Variants in GALNT16 observed in about 807,000 individuals in gnomAD.
GALNT16 encodes UDP-GalNAc:polypeptide N-acetylgalactosaminyltransferase-like protein 1.
GALNT16 carries 40 observed loss-of-function variants against 76.1 expected under a neutral mutation model. That is an observed-to-expected ratio of 0.53 (90% CI 0.41 to 0.68). The LOEUF (loss-of-function observed/expected upper bound fraction) is 0.68, where lower values mean the gene tolerates loss of function less well. GALNT16 is among the 30% of genes least tolerant of loss of function. GALNT16 has a pLI of 0.00. For synonymous variants in GALNT16, 276 were observed against 285.2 expected, an observed-to-expected ratio of 0.97 and a Z score of 0.32; for missense variants, 621 against 731.9, an observed-to-expected ratio of 0.85 and a Z score of 1.75.
rs1304269392 is a variant in GALNT16 at position 69,325,312 on chromosome 14, TTC to T, written c.435-21_435-20del. 3.3e-6 allele frequency: 5 copies of T among 1,495,322 alleles called. No individual in the cohort carries two copies. The African/African-American group carries it at 6.9e-5, about 21-fold the overall frequency. 92.6% of individuals were successfully genotyped at this position (1,495,322 alleles called of 1,614,324 possible). A position where few individuals can be genotyped will look rare whatever the true frequency, so the allele number is the denominator to read the frequency against. On this transcript the variant is annotated intron_variant, in intron 3 of 14. Transcript: ENST00000448469. ...GAGGTGGTTCCTAAATCCAGGCTCT[TTC>T]TCTGTTTCCACTGCTACTGTAGTGT...
chr14:69,339,693 A>T lies in GALNT16; in HGVS notation c.1187+74A>T, dbSNP rs886946212. Reference sequence around the variant, plus strand: ...CAACCCCAGCAAAATACGAAGTGGTATGTACGCCAGGGAACCACCCGCCAC... The same window carrying T: ...CAACCCCAGCAAAATACGAAGTGGTTTGTACGCCAGGGAACCACCCGCCAC... On this transcript the variant is annotated intron_variant, in intron 11 of 14. Transcript: ENST00000448469. 83 of 948,722 alleles carry T rather than the reference A, an allele frequency of 8.7e-5. 1 individual carries two copies. In the Admixed American group the frequency reaches 1.6e-3, roughly 19 times the overall value. 58.8% of individuals were successfully genotyped at this position (948,722 alleles called of 1,614,324 possible). A position where few individuals can be genotyped will look rare whatever the true frequency, so the allele number is the denominator to read the frequency against.
downstream of GALNT16, chr14:69,355,854 C>T (rs1243945049): frequency 1.3e-5 from 2 of 152,272 alleles, no homozygotes; most frequent in Non-Finnish European, 2.9e-5. Flanking sequence ...AAGGCTGTCT[C>T]CATCTGCAGT....
At chr14:69,385,581 G>T in the GALNT16 span, among the ~76,000 whole-genome samples, 2 of 148,626 alleles carry the variant, frequency 1.3e-5, no homozygotes, top group East Asian at 3.9e-4. Context: ...TTAAAAAAAA[G>T]CAATTTCTTT....
intron 9 of GALNT16, among the ~76,000 whole-genome samples, chr14:69,334,349 G>A (rs1176782295): frequency 6.6e-6 from 1 of 152,198 alleles, no homozygotes; most frequent in Non-Finnish European, 1.5e-5. Context: ...AGTGGGATCG[G>A]AGCCCAAACT....
intron 1 of GALNT16, among the ~76,000 whole-genome samples, chr14:69,272,180 G>A (rs56286938): frequency 0.28 from 42,426 of 151,832 alleles, 6,183 homozygotes; most frequent in South Asian, 0.34. Context: ...GGCTAACATG[G>A]TGAAACCCCA....
chr14:69,368,842 T>C, the GALNT16 span, among the ~76,000 whole-genome samples: 2 of 152,130 alleles, frequency 1.3e-5, no homozygotes, highest in African/African-American at 4.8e-5. Flanking sequence ...TCGAAGACAA[T>C]GGGCATCCCT....
intron 1 of GALNT16, among the ~76,000 whole-genome samples, chr14:69,314,648 G>T (rs1481613302): frequency 6.6e-6 from 1 of 152,212 alleles, no homozygotes; most frequent in African/African-American, 2.4e-5. Flanking sequence ...TGGAAGAGTT[G>T]GAACCTGAGA....
At chr14:69,303,021 A>G (rs2044875553) in intron 1 of GALNT16, among the ~76,000 whole-genome samples, 1 of 152,182 alleles carries the variant, frequency 6.6e-6, no homozygotes, top group South Asian at 2.1e-4. Context: ...TATCTTACTA[A>G]GAAATATTAA....
intron 11 of GALNT16, among the ~76,000 whole-genome samples, chr14:69,340,434 A>G (rs1170216587): frequency 6.6e-6 from 1 of 152,172 alleles, no homozygotes; most frequent in Non-Finnish European, 1.5e-5. Context: ...CATGGATTCA[A>G]TGTGGTACTC....
chr14:69,357,794 T>C (rs1331604879), downstream of GALNT16: 1 of 152,290 alleles, frequency 6.6e-6, no homozygotes, highest in African/African-American at 2.4e-5. Context: ...TAGACCTGTA[T>C]GCTCCTGGGT....
At chr14:69,341,613 C>CGG in intron 11 of GALNT16, 68 bp from the exon 12 acceptor site, 1 of 1,024,898 alleles carries the variant, frequency 9.8e-7, no homozygotes, top group South Asian at 1.4e-5. Context: ...GGACAGGCCT[C>CGG]TGGCATCCTC....
intron 9 of GALNT16, among the ~76,000 whole-genome samples, chr14:69,336,915 C>CG (rs148769435): frequency 0.038 from 5,777 of 151,990 alleles, 135 homozygotes; most frequent in South Asian, 0.054. Context: ...TTAGTAGAGA[C>CG]GGGGTTTCAC....
intron 1 of GALNT16, among the ~76,000 whole-genome samples, chr14:69,287,376 G>A (rs949260472): frequency 1.3e-5 from 2 of 152,226 alleles, no homozygotes; most frequent in African/African-American, 2.4e-5. Context: ...CTGGCTAAAC[G>A]CAAGGATGAG....
chr14:69,287,876 A>C (rs1196712309), intron 1 of GALNT16, among the ~76,000 whole-genome samples: 1 of 152,162 alleles, frequency 6.6e-6, no homozygotes, highest in African/African-American at 2.4e-5. Context: ...TCCTGTAGAA[A>C]ATTTTCCTCT....
At chr14:69,267,154 G>T (rs2044351304) in intron 1 of GALNT16, among the ~76,000 whole-genome samples, 1 of 152,202 alleles carries the variant, frequency 6.6e-6, no homozygotes, top group East Asian at 1.9e-4. Context: ...CCCCTGAGCT[G>T]TGTGCTTATG....
downstream of GALNT16, chr14:69,355,224 G>A (rs1453920401): frequency 6.6e-6 from 1 of 152,368 alleles, no homozygotes; most frequent in Non-Finnish European, 1.5e-5. Context: ...CTGATCTGGA[G>A]TTACCCAGAA....
intron 1 of GALNT16, among the ~76,000 whole-genome samples, chr14:69,306,327 C>A (rs1031989878): frequency 5.9e-5 from 9 of 152,100 alleles, no homozygotes; most frequent in African/African-American, 2.2e-4. Flanking sequence ...TAAGTGAAAC[C>A]AAATTTTAAT....
the GALNT16 span, among the ~76,000 whole-genome samples, chr14:69,385,715 A>G: frequency 1.4e-4 from 21 of 151,344 alleles, no homozygotes; most frequent in African/African-American, 5.1e-4. Flanking sequence ...ATTCCCTTCC[A>G]TACACTGAAA....
downstream of GALNT16, among the ~76,000 whole-genome samples, chr14:69,360,137 G>C (rs1045527553): frequency 6.6e-6 from 1 of 152,146 alleles, no homozygotes; most frequent in Admixed American, 6.6e-5. Flanking sequence ...AGGACCACTT[G>C]AACTCAGGAG....
Sources: allele counts gnomAD v4.1 joint callset (sites outside exome capture counted in the v4.1 genomes callset), GRCh38; gene constraint gnomAD v4.1.1; transcripts MANE v1.5; gene names NCBI Gene and HGNC (gene_info 2026-07-23, HGNC 2026-07-21).